Variants in BIVM observed in about 807,000 individuals in gnomAD.
The protein encoded by BIVM is basic, immunoglobulin-like variable motif containing, also known as basic immunoglobulin-like variable motif-containing protein.
BIVM carries 31 observed loss-of-function variants against 61.4 expected under a neutral mutation model. The observed-to-expected ratio is 0.51, with a 90% CI of 0.38 to 0.68. The LOEUF (loss-of-function observed/expected upper bound fraction) is 0.68. BIVM is among the 30% of genes least tolerant of loss of function. The pLI, the probability that BIVM is intolerant of heterozygous loss-of-function variation, is 0.00. For missense variants in BIVM, 526 were observed against 596.0 expected, an observed-to-expected ratio of 0.88 and a Z score of 1.22; for synonymous variants, 189 against 210.7, an observed-to-expected ratio of 0.90 and a Z score of 0.89.
rs141450023 is a variant in BIVM, at chr13:102,836,511, G to A, written c.1121+1959G>A. Reference sequence around the variant, plus strand: ...AACTTTTTTGTAGAGACAGAGTCTTGCTGTGTTGTCCAGGCTGGTTTCAAA... The same window carrying A: ...AACTTTTTTGTAGAGACAGAGTCTTACTGTGTTGTCCAGGCTGGTTTCAAA... On this transcript the variant is annotated intron_variant, in intron 9 of 10. Transcript: ENST00000257336. Among the ~76,000 whole-genome samples the A allele has an allele frequency of 3.2e-3, 484 of 152,220 alleles. 4 individuals carry two copies. Among genetic ancestry groups the A allele is most frequent in the African/African-American group, 0.011 (448 of 41,524 alleles).
At chr13:102,832,816 A>G (rs1437349306) in intron 8 of BIVM, among the ~76,000 whole-genome samples, 2 of 152,202 alleles carry the variant, frequency 1.3e-5, no homozygotes, top group East Asian at 1.9e-4. Flanking sequence ...TTAACTATAT[A>G]ACTTTACTGG....
chr13:102,837,619 A>G (rs1227457048), intron 9 of BIVM, among the ~76,000 whole-genome samples: 1 of 152,244 alleles, frequency 6.6e-6, no homozygotes, highest in African/African-American at 2.4e-5. Context: ...TAGTGGTACA[A>G]TTCGCAGTTG....
chr13:102,807,527 A>T lies in BIVM; in HGVS notation c.260A>T (p.Asn87Ile). The T allele has an allele frequency of 6.2e-7, 1 of 1,614,084 alleles. No homozygotes were observed. Among genetic ancestry groups the T allele is most frequent in the Non-Finnish European group, 8.5e-7 (1 of 1,180,002 alleles). Residue 87 changes from asparagine to isoleucine, a missense_variant, in exon 3 of 11, where the codon AAT becomes ATT. Physicochemically the swap from Asn to Ile is moderately radical, Grantham distance 149. Coordinates refer to ENST00000257336, the MANE Select transcript of BIVM (RefSeq NM_017693.4). The surrounding 1 kb of genome is among the most constrained non-coding windows in gnomAD (Gnocchi z 4.0). Reference protein sequence around the residue: ...NQATSIYKTPNPSRSPCLPDS... With the variant: ...NQATSIYKTPIPSRSPCLPDS... ...GCGACCTCAATCTATAAAACTCCAAATCCATCCCGCTCTCCTTGCCTCCCT... is the reference window on the plus strand; with the variant it reads ...GCGACCTCAATCTATAAAACTCCAATTCCATCCCGCTCTCCTTGCCTCCCT...
At chr13:102,805,084 G>T (rs945674711) in intron 1 of BIVM, among the ~76,000 whole-genome samples, 10 of 152,144 alleles carry the variant, frequency 6.6e-5, no homozygotes, top group Non-Finnish European at 1.5e-5. Context: ...GATATTAACT[G>T]GTAAAAGTCC....
At chr13:102,818,412 G>T (rs911162820) in intron 4 of BIVM, among the ~76,000 whole-genome samples, 1 of 152,084 alleles carries the variant, frequency 6.6e-6, no homozygotes, top group Non-Finnish European at 1.5e-5. Context: ...CTTAACAAAA[G>T]GAACTTTTAT....
At chr13:102,839,003 A>G (rs1355469257) in intron 10 of BIVM, among the ~76,000 whole-genome samples, 1 of 152,158 alleles carries the variant, frequency 6.6e-6, no homozygotes, top group Non-Finnish European at 1.5e-5. Context: ...TGGGGGCTAT[A>G]TATTGTTCTT....
chr13:102,834,351 A>T (rs746315624), intron 8 of BIVM, 115 bp from the exon 9 acceptor site: 34 of 1,016,084 alleles, frequency 3.3e-5, no homozygotes, highest in Non-Finnish European at 6.9e-6. Context: ...TCTGTTCTTG[A>T]TGAATGAATG....
chr13:102,807,063 T>A lies in BIVM; in HGVS notation c.-122-83T>A. 2 of 512,826 alleles carry A rather than the reference T, an allele frequency of 3.9e-6. No homozygotes were observed. The highest frequency in any genetic ancestry group is 4.0e-5 in the South Asian group (1 of 24,838). 31.8% of individuals were successfully genotyped at this position (512,826 alleles called of 1,614,324 possible). ...AAAATTAATATAGAATGAAGGCATA[T>A]GTATGCATAAAACTTGCTATGCTTT... On this transcript the variant is annotated intron_variant, in intron 2 of 10. Transcript: ENST00000257336. This position sits in a 1 kb window ranked among gnomAD's most constrained non-coding sequence, Gnocchi z 4.0.
intron 7 of BIVM, among the ~76,000 whole-genome samples, chr13:102,824,402 T>C (rs1266693925): frequency 2.6e-5 from 4 of 152,134 alleles, no homozygotes; most frequent in Non-Finnish European, 5.9e-5. Context: ...AATATGAGGG[T>C]CACTATAAAT....
At chr13:102,831,891 AAAAATT>A (rs1370481735) in intron 8 of BIVM, among the ~76,000 whole-genome samples, 194 bp downstream of exon 8, 2 of 151,468 alleles carry the variant, frequency 1.3e-5, no homozygotes, top group East Asian at 3.9e-4. Context: ...AAAAAAAAAA[AAAAATT>A]AGCCGGGCGT....
At chr13:102,820,102 T>C (rs1472288983) in intron 4 of BIVM, among the ~76,000 whole-genome samples, 2 of 152,064 alleles carry the variant, frequency 1.3e-5, no homozygotes, top group Non-Finnish European at 2.9e-5. Context: ...ACGTCTGTAA[T>C]CCAGCACTTT....
At position 102,840,039 on chromosome 13, in the gene BIVM, T is replaced by C. The variant is rs1881726614; in HGVS notation, c.*174T>C. ...GCTTGTATATGATTATGGTGGGTGA[T>C]TTCAGATATATAAGCAGATAAGCAC... On this transcript the variant is annotated 3_prime_UTR_variant, in exon 11 of 11. Coordinates refer to ENST00000257336, the MANE Select transcript of BIVM (RefSeq NM_017693.4). 4.8e-6 allele frequency: 3 copies of C among 631,062 alleles called. No homozygotes were observed. The highest frequency in any genetic ancestry group is 2.6e-5 in the South Asian group (1 of 37,808). The allele number at this position is 631,062 out of a possible 1,614,324, so 39.1% of individuals were successfully genotyped here. A position where few individuals can be genotyped will look rare whatever the true frequency, so the allele number is the denominator to read the frequency against.
intron 3 of BIVM, among the ~76,000 whole-genome samples, chr13:102,809,170 TAAGTAC>T (rs1879311525): frequency 6.6e-6 from 1 of 152,202 alleles, no homozygotes; most frequent in South Asian, 2.1e-4. Flanking sequence ...TCCAAATTGC[TAAGTAC>T]TGCTTTAGCT....
intron 4 of BIVM, chr13:102,820,351 C>CAAAAAAA (rs6145205): frequency 2.4e-5 from 2 of 83,476 alleles, no homozygotes; most frequent in African/African-American, 3.8e-5. Flanking sequence ...GACTCTGTCT[C>CAAAAAAA]AAAAAAAAAA....
chr13:102,823,803 C>A (rs56314598), intron 7 of BIVM, among the ~76,000 whole-genome samples: 1 of 151,882 alleles, frequency 6.6e-6, no homozygotes, highest in Admixed American at 6.6e-5. Context: ...TTTTAAAAAT[C>A]TGCTTTTAAA....
Position 102,822,121 on chromosome 13 carries a change from A to G in BIVM, c.863A>G (p.Tyr288Cys). The G allele has an allele frequency of 6.2e-7, 1 of 1,614,056 alleles. No homozygotes were observed. The highest frequency in any genetic ancestry group is 1.1e-5 in the South Asian group (1 of 91,066). ...FHVKGCSYVL[Y>C]KPHGKNKTAG... ...GTAAAAGGATGCTCTTATGTTCTAT[A>G]TAAGCCTCATGGGAAGAATAAAACA... Residue 288 changes from tyrosine (Y) to cysteine (C), a missense_variant, in exon 7 of 11, where the codon TAT becomes TGT. Physicochemically the swap from Tyr to Cys is radical, Grantham distance 194 (BLOSUM62 -2). Coordinates refer to ENST00000257336, the MANE Select transcript of BIVM (RefSeq NM_017693.4).
At chr13:102,808,457 A>G (rs1183397926) in intron 3 of BIVM, among the ~76,000 whole-genome samples, 2 of 152,148 alleles carry the variant, frequency 1.3e-5, no homozygotes, top group Non-Finnish European at 2.9e-5. Context: ...TAGGATTTGT[A>G]TTTACTTCTA....
intron 1 of BIVM, chr13:102,801,858 A>G (rs1369011448): frequency 6.6e-6 from 1 of 152,350 alleles, no homozygotes; most frequent in African/African-American, 2.4e-5. Flanking sequence ...GAAGCCAAGA[A>G]GGTTTCCCCC....
chr13:102,839,843 GTGATTA>G lies in BIVM; in HGVS notation c.1491_1496del (p.Tyr499_Asp500del), dbSNP rs1272649934. On this transcript the variant is annotated inframe_deletion, in exon 11 of 11. Coordinates refer to ENST00000257336, the MANE Select transcript of BIVM (RefSeq NM_017693.4). ...AGGAACAGTGGTTACCAGGGTTACA[GTGATTA>G]CGATGGGAATGATTGACTATGCTTG... The G allele has an allele frequency of 2.5e-6, 4 of 1,612,406 alleles. No individual in the cohort carries two copies. In the Admixed American group the frequency reaches 5.0e-5, roughly 20 times the overall value.
Sources: gnomAD v4.1 joint callset for allele counts (sites outside exome capture counted in the v4.1 genomes callset) on GRCh38, gnomAD v4.1.1 for gene constraint, Gnocchi (gnomAD v3.1) non-coding constraint, MANE v1.5 for transcripts, NCBI Gene and HGNC (gene_info 2026-07-23, HGNC 2026-07-21) for gene names.